Variants in GSR observed in about 807,000 individuals in gnomAD.
GSR encodes the protein glutathione reductase, mitochondrial.
Under a neutral mutation model 56.5 loss-of-function variants are expected in GSR, and 48 were observed. The observed-to-expected ratio is 0.85, with a 90% CI of 0.67 to 1.08. The LOEUF is 1.08. Among genes scored for constraint, GSR ranks in the 50% least tolerant of loss-of-function variants. The probability of loss-of-function intolerance (pLI) is 0.00; values close to 1 mark genes in which losing one functional copy is unlikely to be tolerated. For synonymous variants in GSR, 264 were observed against 270.8 expected (o/e 0.97, Z 0.25); for missense variants, 694 against 703.3 (o/e 0.99, Z 0.15).
intron 11 of GSR, among the ~76,000 whole-genome samples, chr8:30,681,565 A>G (rs550114691): frequency 1.3e-5 from 2 of 152,232 alleles, no homozygotes; most frequent in African/African-American, 4.8e-5. Context: ...GGTTTATGTA[A>G]GGGCCAGTTC....
intron 4 of GSR, among the ~76,000 whole-genome samples, chr8:30,707,811 G>A (rs1457889759): frequency 1.3e-5 from 2 of 151,952 alleles, no homozygotes; most frequent in Non-Finnish European, 2.9e-5. Flanking sequence ...ACAAAAATTC[G>A]ATGGGTGTGG....
intron 8 of GSR, 41 bp downstream of exon 8, chr8:30,692,928 T>C: frequency 1.6e-6 from 2 of 1,236,510 alleles, no homozygotes; most frequent in Non-Finnish European, 2.4e-6. Context: ...GAAAGTGTGA[T>C]TGACTGGGGG....
At chr8:30,696,008 C>G (rs1803531108) in intron 7 of GSR, among the ~76,000 whole-genome samples, 1 of 151,852 alleles carries the variant, frequency 6.6e-6, no homozygotes, top group Non-Finnish European at 1.5e-5. Flanking sequence ...CCACTGCACT[C>G]CAGCCTGGAC....
At chr8:30,727,172 C>T (rs909556447) in intron 1 of GSR, among the ~76,000 whole-genome samples, 1 of 152,242 alleles carries the variant, frequency 6.6e-6, no homozygotes, top group Non-Finnish European at 1.5e-5. Flanking sequence ...CACAGGCCAC[C>T]AGCAATGTTC....
intron 12 of GSR, among the ~76,000 whole-genome samples, chr8:30,680,630 G>A (rs1802918861): frequency 6.6e-6 from 1 of 151,866 alleles, no homozygotes; most frequent in Admixed American, 6.6e-5. Flanking sequence ...CCTGACCTCA[G>A]GTGATATGCC....
chr8:30,717,534 T>C (rs1269647475), intron 1 of GSR, among the ~76,000 whole-genome samples: 3 of 152,112 alleles, frequency 2.0e-5, no homozygotes, highest in African/African-American at 7.2e-5. Flanking sequence ...CTGCCTGAGC[T>C]CCACCCACTT....
At chr8:30,713,532 T>G (rs1480880814) in intron 1 of GSR, among the ~76,000 whole-genome samples, 2 of 151,922 alleles carry the variant, frequency 1.3e-5, no homozygotes, top group Non-Finnish European at 2.9e-5. Context: ...CTAATTTTTG[T>G]ATTTTTAGTA....
intron 10 of GSR, among the ~76,000 whole-genome samples, chr8:30,682,440 G>T (rs937448001): frequency 6.6e-6 from 1 of 152,156 alleles, no homozygotes; most frequent in East Asian, 1.9e-4. Flanking sequence ...TTAAAATATC[G>T]TATAAAGTTA....
intron 5 of GSR, among the ~76,000 whole-genome samples, chr8:30,702,491 CTT>C (rs1324881008): frequency 6.6e-6 from 1 of 152,168 alleles, no homozygotes; most frequent in Non-Finnish European, 1.5e-5. Flanking sequence ...ATTTCTCTCT[CTT>C]GAACAAAACA....
intron 1 of GSR, among the ~76,000 whole-genome samples, chr8:30,720,293 G>A (rs552254816): frequency 6.6e-6 from 1 of 152,108 alleles, no homozygotes; most frequent in Non-Finnish European, 1.5e-5. Flanking sequence ...TCCCTCTGTC[G>A]TCCTTCTTTG....
intron 8 of GSR, among the ~76,000 whole-genome samples, chr8:30,689,904 T>TA (rs1207633457): frequency 7.0e-6 from 1 of 143,006 alleles, no homozygotes; most frequent in African/African-American, 2.5e-5. Context: ...TATATTTTTA[T>TA]TAAATATATG....
In GSR at chr8:30,679,552, T is replaced by C. The variant is rs896909854; in HGVS notation, c.1537A>G (p.Thr513Ala). The change falls in exon 13 of 13, where the codon ACC (threonine) becomes GCC (alanine). Residue 513 changes from threonine to alanine, a missense_variant. Physicochemically the swap from Thr to Ala is moderately conservative, Grantham distance 58. Transcript: ENST00000221130. ...AGTGTGACCAGCTCTTCTGAAGAGG[T>C]AGGGTGAATGGCGACTGTGTTGTCA... is the stretch of plus-strand genomic sequence containing the variant. ...DFDNTVAIHP[T>A]SSEELVTLR 1 of 1,614,036 alleles carries C rather than the reference T, an allele frequency of 6.2e-7. No homozygotes were observed. The highest frequency in any genetic ancestry group is 8.5e-7 in the Non-Finnish European group (1 of 1,180,004).
chr8:30,689,438 C>A lies in GSR; in HGVS notation c.883-119G>T, dbSNP rs1050526577. 4 of 843,602 alleles carry A rather than the reference C, an allele frequency of 4.7e-6. No individual in the cohort carries two copies. In the East Asian group the frequency reaches 7.5e-5, roughly 16 times the overall value. 52.3% of individuals were successfully genotyped at this position (843,602 alleles called of 1,614,324 possible). A position where few individuals can be genotyped will look rare whatever the true frequency, so the allele number is the denominator to read the frequency against. On this transcript the variant is annotated intron_variant, in intron 8 of 12. Transcript: ENST00000221130. The stretch of plus-strand genomic sequence containing the variant: ...CATTAAAGAAAATCCCTACTGAATC[C>A]CACATACAAAGATAGACATAAACTT...
In GSR at chr8:30,703,122, G is replaced by C; in HGVS notation, c.611C>G (p.Pro204Arg). 1 of 1,614,012 alleles carries C rather than the reference G, an allele frequency of 6.2e-7. No individual in the cohort carries two copies. The highest frequency in any genetic ancestry group is 8.5e-7 in the Non-Finnish European group (1 of 1,179,940). The change falls in exon 5 of 13, where the codon CCC becomes CGC. Residue 204 changes from proline (P) to arginine (R), a missense_variant. Physicochemically the swap from Pro to Arg is moderately radical, Grantham distance 103. Coordinates refer to ENST00000221130, the MANE Select transcript of GSR (RefSeq NM_000637.5). ...GATCTGGCTCTCATGAGGGGTGGAG[G>C]GCATACCACCTGTGGCGATCAGGAT... ...PHILIATGGMPSTPHESQIPG... is the reference protein window; with the variant it reads ...PHILIATGGMRSTPHESQIPG...
At chr8:30,696,632 AC>A (rs1322980073) in intron 6 of GSR, among the ~76,000 whole-genome samples, 153 bp from the exon 7 acceptor site, 3 of 152,226 alleles carry the variant, frequency 2.0e-5, no homozygotes, top group Admixed American at 6.6e-5. Flanking sequence ...TAATTAGGAT[AC>A]CTTTGTCAAA....
Position 30,725,881 on chromosome 8 carries a change from C to CAAA in GSR, c.306+1646_306+1648dup, listed in dbSNP as rs59192685. Among the ~76,000 whole-genome samples, 518 of 59,990 alleles carry CAAA rather than the reference C, an allele frequency of 8.6e-3. 10 individuals carry two copies. Among genetic ancestry groups the CAAA allele is most frequent in the African/African-American group, 0.021 (460 of 22,042 alleles). The allele number at this position is 59,990 out of a possible 152,430, so 39.4% of individuals were successfully genotyped here. A position where few individuals can be genotyped will look rare whatever the true frequency, so the allele number is the denominator to read the frequency against. On this transcript the variant is annotated intron_variant, in intron 1 of 12. Coordinates refer to ENST00000221130, the MANE Select transcript of GSR (RefSeq NM_000637.5). The stretch of plus-strand genomic sequence containing the variant: ...TGGGTGACAGAGTGAGACTCCCTCT[C>CAAA]AAAAAAAAAAAAAAAAAAAGAATTC...
At chr8:30,707,677 G>A (rs999204210) in intron 4 of GSR, among the ~76,000 whole-genome samples, 2 of 150,986 alleles carry the variant, frequency 1.3e-5, no homozygotes, top group African/African-American at 4.9e-5. Context: ...AAATAGGGCC[G>A]GGTGCAGTGG....
chr8:30,717,645 T>C (rs991818675), intron 1 of GSR, among the ~76,000 whole-genome samples: 3 of 152,090 alleles, frequency 2.0e-5, no homozygotes, highest in Non-Finnish European at 4.4e-5. Flanking sequence ...TATGAGAATC[T>C]AATTGCTGAT....
intron 4 of GSR, among the ~76,000 whole-genome samples, chr8:30,705,389 A>AAT (rs1375091065): frequency 6.6e-6 from 1 of 152,158 alleles, no homozygotes; most frequent in South Asian, 2.1e-4. Context: ...CAGCCTTCCA[A>AAT]ATAGCTGGGA....
Sources: allele counts gnomAD v4.1 joint callset (sites outside exome capture counted in the v4.1 genomes callset), GRCh38; gene constraint gnomAD v4.1.1; transcripts MANE v1.5; gene names NCBI Gene and HGNC (gene_info 2026-07-23, HGNC 2026-07-21).